Variants in CNOT1 observed in about 807,000 individuals in gnomAD.
The protein encoded by CNOT1 is CCR4-NOT transcription complex subunit 1, also known as CCR4-associated factor 1.
A neutral mutation model predicts 273.8 loss-of-function variants in CNOT1; 15 were observed. That is an observed-to-expected ratio of 0.05 (90% CI 0.04 to 0.08). CNOT1 has a LOEUF of 0.08. CNOT1 is among the 10% of genes least tolerant of loss of function. The pLI, the probability that CNOT1 is intolerant of heterozygous loss-of-function variation, is 1.00. For synonymous variants in CNOT1, 1,022 were observed against 1,005.5 expected (o/e 1.02, Z -0.31); for missense variants, 1,644 against 2,912.2 (o/e 0.56, Z 10.02).
intron 16 of CNOT1, among the ~76,000 whole-genome samples, chr16:58,572,877 C>T (rs2041323740): frequency 6.9e-6 from 1 of 145,328 alleles, no homozygotes; most frequent in Non-Finnish European, 1.5e-5. Flanking sequence ...CACTGCACTC[C>T]AGCCTGGGCA....
intron 2 of CNOT1, among the ~76,000 whole-genome samples, chr16:58,598,467 G>A (rs1418386439): frequency 6.6e-6 from 1 of 151,314 alleles, no homozygotes; most frequent in East Asian, 1.9e-4. Flanking sequence ...TACTAGGGAG[G>A]CTGAGGCACG....
intron 1 of CNOT1, among the ~76,000 whole-genome samples, chr16:58,601,734 T>TAAAAAAAAAAA (rs66711143): frequency 0.019 from 1,691 of 91,390 alleles, 247 homozygotes; most frequent in Non-Finnish European, 0.026. Flanking sequence ...ATACCCACCT[T>TAAAAAAAAAAA]AAAAAAAAAA....
chr16:58,593,261 TA>T (rs1948197063), intron 2 of CNOT1, among the ~76,000 whole-genome samples: 2 of 152,116 alleles, frequency 1.3e-5, no homozygotes, highest in Non-Finnish European at 2.9e-5. Flanking sequence ...CAGTTCCTAC[TA>T]AAAATACAAA....
intron 25 of CNOT1, chr16:58,548,606 TC>T (rs781535468): frequency 1.9e-6 from 1 of 519,166 alleles, no homozygotes; most frequent in Non-Finnish European, 3.8e-6. Context: ...TGGGGAATAT[TC>T]CCATCCACAG....
At chr16:58,597,462 G>C (rs1308730263) in intron 2 of CNOT1, 3 of 194,044 alleles carry the variant, frequency 1.5e-5, no homozygotes, top group Non-Finnish European at 3.1e-5. Flanking sequence ...GTGACAGAGT[G>C]AAACTCTGTC....
At chr16:58,564,001 C>A (rs2040948975) in intron 16 of CNOT1, among the ~76,000 whole-genome samples, 1 of 152,160 alleles carries the variant, frequency 6.6e-6, no homozygotes, top group Non-Finnish European at 1.5e-5. Flanking sequence ...CAGTACAGAA[C>A]AGCCATTCAA....
At chr16:58,545,719 C>A (rs143252020) in intron 29 of CNOT1, among the ~76,000 whole-genome samples, 1 of 152,158 alleles carries the variant, frequency 6.6e-6, no homozygotes, top group East Asian at 1.9e-4. Context: ...TGCCCCACAG[C>A]ACAGAAATCA....
intron 1 of CNOT1, among the ~76,000 whole-genome samples, chr16:58,613,028 G>C (rs867211926): frequency 1.3e-5 from 2 of 151,944 alleles, no homozygotes; most frequent in African/African-American, 4.8e-5. Flanking sequence ...TGAAGATACT[G>C]AGCAGTAGAG....
intron 22 of CNOT1, among the ~76,000 whole-genome samples, chr16:58,552,080 A>C (rs1038819399): frequency 6.6e-6 from 1 of 152,294 alleles, no homozygotes; most frequent in Non-Finnish European, 1.5e-5. Flanking sequence ...AAATGCCTTT[A>C]AACTTCTTTA....
At chr16:58,525,926 G>GA in intron 45 of CNOT1, 63 bp downstream of exon 45, 1 of 1,404,918 alleles carries the variant, frequency 7.1e-7, no homozygotes, top group South Asian at 1.2e-5. Flanking sequence ...CCACACACAG[G>GA]ACCATACATA....
intron 1 of CNOT1, among the ~76,000 whole-genome samples, chr16:58,604,357 ATTC>A (rs2042585336): frequency 6.6e-6 from 1 of 152,238 alleles, no homozygotes; most frequent in African/African-American, 2.4e-5. Flanking sequence ...CAAGATATTC[ATTC>A]ACTATAAGGG....
chr16:58,565,808 G>A (rs1223502573), intron 16 of CNOT1, among the ~76,000 whole-genome samples: 1 of 152,018 alleles, frequency 6.6e-6, no homozygotes, highest in African/African-American at 2.4e-5. Context: ...AGCCAGGTGT[G>A]GTAGTGTGCG....
chr16:58,590,205 T>C (rs1413355689), intron 2 of CNOT1, among the ~76,000 whole-genome samples: 1 of 152,180 alleles, frequency 6.6e-6, no homozygotes, highest in East Asian at 1.9e-4. Context: ...ACTGCTAAAA[T>C]TTACCACCAT....
At chr16:58,624,197 T>C (rs1015489640) in intron 1 of CNOT1, among the ~76,000 whole-genome samples, 2 of 152,178 alleles carry the variant, frequency 1.3e-5, no homozygotes, top group Non-Finnish European at 2.9e-5. Flanking sequence ...TCTGATGCTA[T>C]CTTCAGGTAC....
At chr16:58,592,498 A>G (rs1464496536) in intron 2 of CNOT1, among the ~76,000 whole-genome samples, 1 of 152,180 alleles carries the variant, frequency 6.6e-6, no homozygotes, top group Non-Finnish European at 1.5e-5. Context: ...TGATCACTTG[A>G]GGCCAGGAGC....
At position 58,542,263 on chromosome 16, in the gene CNOT1, C is replaced by A. The variant is rs1262819770; in HGVS notation, c.4648G>T (p.Ala1550Ser). ...YCDPVVLTYQ[A>S]ERMPEQIRLK... is the part of the protein sequence containing the mutation. Reference sequence around the variant, plus strand: ...CTGATTTGCTCTGGCATCCGTTCAGCTTGATATGTTAAAACAACAGGATCA... The same window carrying A: ...CTGATTTGCTCTGGCATCCGTTCAGATTGATATGTTAAAACAACAGGATCA... Residue 1550 changes from alanine (A) to serine (S), a missense_variant, in exon 33 of 49, where the codon GCT becomes TCT. Physicochemically the swap from Ala to Ser is moderately conservative, Grantham distance 99. Around this residue, in one of 13 missense-constraint regions of CNOT1, gnomAD observed 3 missense variants for 35.1 expected, o/e 0.09. Transcript: ENST00000317147. The A allele has an allele frequency of 6.2e-7, 1 of 1,614,030 alleles. No individual in the cohort carries two copies. Among genetic ancestry groups the A allele is most frequent in the Non-Finnish European group, 8.5e-7 (1 of 1,180,028 alleles).
chr16:58,559,262 G>C (rs557884933), intron 17 of CNOT1, among the ~76,000 whole-genome samples: 6 of 152,068 alleles, frequency 3.9e-5, no homozygotes, highest in Non-Finnish European at 8.8e-5. Context: ...ACCTATAACA[G>C]AGCCATAAAA....
In CNOT1 at chr16:58,580,626, T is replaced by C; in HGVS notation, c.1343+7A>G. On this transcript the variant is annotated splice_region_variant and intron_variant, in intron 12 of 48. Coordinates refer to ENST00000317147, the MANE Select transcript of CNOT1 (RefSeq NM_016284.5). ...CTTTTAAATGAAAGATGAATCAAAGTGTTTACCATGTGGCAATTTCTCGAT... is the reference window on the plus strand; with the variant it reads ...CTTTTAAATGAAAGATGAATCAAAGCGTTTACCATGTGGCAATTTCTCGAT... The C allele has an allele frequency of 6.2e-7, 1 of 1,605,856 alleles. No individual in the cohort carries two copies. The highest frequency in any genetic ancestry group is 8.5e-7 in the Non-Finnish European group (1 of 1,177,592).
At chr16:58,545,615 G>C in intron 29 of CNOT1, 124 bp from the exon 30 acceptor site, 2,924 of 1,022,400 alleles carry the variant, frequency 2.9e-3, no homozygotes, top group Non-Finnish European at 3.6e-3. Context: ...AGGAGGGAAG[G>C]ATGTAGCAGG....
Sources: allele counts gnomAD v4.1 joint callset (sites outside exome capture counted in the v4.1 genomes callset), GRCh38; gene constraint gnomAD v4.1.1; regional missense constraint gnomAD v4.1.1; transcripts MANE v1.5; gene names NCBI Gene and HGNC (gene_info 2026-07-23, HGNC 2026-07-21).